The following CAST variants were observed in gnomAD, a reference collection of about 807,000 sequenced individuals.
The protein encoded by CAST is MIR583 host.
A neutral mutation model predicts 119.6 loss-of-function variants in CAST; 76 were observed. The ratio of observed to expected loss-of-function variants is 0.64; its 90% CI spans 0.53 to 0.77. CAST has a LOEUF of 0.77. CAST is among the 30% of genes least tolerant of loss of function. The pLI, the probability that CAST is intolerant of heterozygous loss-of-function variation, is 0.00. For synonymous variants in CAST, 319 were observed against 331.6 expected, an observed-to-expected ratio of 0.96 and a Z score of 0.41; for missense variants, 953 against 946.5, an observed-to-expected ratio of 1.01 and a Z score of -0.09.
At chr5:96,685,431 G>A (rs1751969249) in intron 2 of CAST, among the ~76,000 whole-genome samples, 1 of 152,148 alleles carries the variant, frequency 6.6e-6, no homozygotes, top group East Asian at 1.9e-4. Flanking sequence ...CAAGATATCT[G>A]TCTTATCTAA....
the CAST span, among the ~76,000 whole-genome samples, chr5:96,449,373 A>T: frequency 6.6e-6 from 1 of 152,208 alleles, no homozygotes; most frequent in Admixed American, 6.5e-5. Flanking sequence ...CTCCTACTGC[A>T]CATGCGAGGA....
chr5:96,675,848 G>A, intron 2 of CAST: 1 of 385,230 alleles, frequency 2.6e-6, no homozygotes, highest in Non-Finnish European at 4.6e-6. Context: ...TGCTTAGGGT[G>A]TTTTCCCTAT....
chr5:96,320,132 G>C, the CAST span, among the ~76,000 whole-genome samples: 4 of 151,534 alleles, frequency 2.6e-5, no homozygotes, highest in Admixed American at 2.6e-4. Flanking sequence ...TGAGGGCTCT[G>C]CAGTAACTAC....
intron 4 of CAST, 25 bp from the exon 5 acceptor site, chr5:96,726,769 A>G (rs1455557918): frequency 1.3e-6 from 2 of 1,540,980 alleles, no homozygotes; most frequent in Non-Finnish European, 1.8e-6. Flanking sequence ...ATAAAATTAT[A>G]CCTGGGGCTG....
chr5:96,357,742 A>G, the CAST span, among the ~76,000 whole-genome samples: 2 of 152,146 alleles, frequency 1.3e-5, no homozygotes, highest in African/African-American at 4.8e-5. Flanking sequence ...CCAGTATTTT[A>G]TTGAAATTTT....
chr5:95,967,275 G>A, the CAST span, among the ~76,000 whole-genome samples: 1 of 152,018 alleles, frequency 6.6e-6, no homozygotes, highest in Admixed American at 6.6e-5. Flanking sequence ...GTGCAGTTGT[G>A]TGATACTGTA....
At chr5:96,243,115 T>C in the CAST span, among the ~76,000 whole-genome samples, 2 of 152,078 alleles carry the variant, frequency 1.3e-5, no homozygotes, top group Non-Finnish European at 2.9e-5. Flanking sequence ...AAATAAGGTA[T>C]GGTTTCCACC....
chr5:96,358,876 T>C, the CAST span, among the ~76,000 whole-genome samples: 2 of 152,220 alleles, frequency 1.3e-5, no homozygotes, highest in South Asian at 2.1e-4. Flanking sequence ...GTTCAAGTCC[T>C]GAACATCCTT....
At chr5:96,560,190 T>A (rs548454038) in intron 1 of CAST, among the ~76,000 whole-genome samples, 189 of 152,138 alleles carry the variant, frequency 1.2e-3, no homozygotes, top group African/African-American at 4.5e-3. Flanking sequence ...CCTTACACCT[T>A]ATACAAAAAT....
the CAST span, chr5:96,412,190 A>G: frequency 1.1e-6 from 1 of 882,420 alleles, no homozygotes; most frequent in Non-Finnish European, 1.9e-6. Flanking sequence ...AAGTGCATTT[A>G]AAATTGTAAA....
the CAST span, among the ~76,000 whole-genome samples, chr5:96,286,739 A>G: frequency 6.6e-6 from 1 of 152,156 alleles, no homozygotes; most frequent in Admixed American, 6.5e-5. Context: ...AATCCAATTT[A>G]TGGTCTCAGC....
rs754516576 is a variant in CAST at position 96,729,630 on chromosome 5, C to G, written c.454C>G (p.Gln152Glu). ...CTTTCAGCCAAAAAGCCTACCCAAG[C>G]AGGCATCAGATACAGGAAGTAACGA... is the stretch of plus-strand genomic sequence containing the variant. ...EHTEPKSLPKQASDTGSNDAH... is the reference protein window; with the variant it reads ...EHTEPKSLPKEASDTGSNDAH... The change falls in exon 8 of 32, where the codon CAG becomes GAG. Residue 152 changes from glutamine to glutamate, a missense_variant. Coordinates refer to ENST00000675179, the MANE Select transcript of CAST (RefSeq NM_001750.7). 6.4e-7 allele frequency: 1 copy of G among 1,562,956 alleles called. No individual in the cohort carries two copies.
At chr5:96,542,106 C>T (rs921162079) in intron 1 of CAST, among the ~76,000 whole-genome samples, 4 of 152,082 alleles carry the variant, frequency 2.6e-5, no homozygotes, top group Non-Finnish European at 5.9e-5. Flanking sequence ...GTCAGGAGAT[C>T]GAGACCATCC....
At chr5:96,757,159 C>T (rs1035825486) in intron 22 of CAST, among the ~76,000 whole-genome samples, 1 of 152,178 alleles carries the variant, frequency 6.6e-6, no homozygotes, top group African/African-American at 2.4e-5. Flanking sequence ...CTGACTTTCA[C>T]GTTTTCCTGC....
chr5:96,702,681 T>A (rs905287170), intron 3 of CAST: 1 of 684,436 alleles, frequency 1.5e-6, no homozygotes, highest in Middle Eastern at 7.5e-4. Context: ...GCCAGGCGCA[T>A]GACGAGTCCA....
At chr5:96,654,191 AT>A (rs1023564926) in intron 1 of CAST, among the ~76,000 whole-genome samples, 3 of 151,042 alleles carry the variant, frequency 2.0e-5, no homozygotes, top group Non-Finnish European at 4.4e-5. Flanking sequence ...GCCTGGCTAA[AT>A]TTTTTTGTAT....
chr5:96,702,773 G>GCCTT, intron 3 of CAST: 4 of 985,452 alleles, frequency 4.1e-6, no homozygotes, highest in Non-Finnish European at 4.8e-6. Context: ...ATCCTGCGTC[G>GCCTT]CCTTCCCGGG....
chr5:96,344,569 A>G, the CAST span, among the ~76,000 whole-genome samples: 1 of 152,194 alleles, frequency 6.6e-6, no homozygotes, highest in African/African-American at 2.4e-5. Context: ...ATATTCTCAC[A>G]ATCAGACTAT....
chr5:96,762,290 A>C lies in CAST; in HGVS notation c.1850A>C (p.Lys617Thr), dbSNP rs762727729. ...CAATAAAAGAAATTTGAAGATGCTA[A>C]ACTTGCTGCTGCCATCTCTGAAGTG... ...NASSLKFEDA[K>T]LAAAISEVVS... The change falls in exon 25 of 32, where the codon AAA (lysine) becomes ACA (threonine). Residue 617 changes from lysine (K) to threonine (T), a missense_variant. Coordinates refer to ENST00000675179, the MANE Select transcript of CAST (RefSeq NM_001750.7). The C allele has an allele frequency of 6.2e-7, 1 of 1,607,366 alleles. No individual in the cohort carries two copies. Among genetic ancestry groups the C allele is most frequent in the Non-Finnish European group, 8.5e-7 (1 of 1,178,080 alleles).
Sources: gnomAD v4.1 joint callset for allele counts (sites outside exome capture counted in the v4.1 genomes callset) on GRCh38, gnomAD v4.1.1 for gene constraint, MANE v1.5 for transcripts, NCBI Gene and HGNC (gene_info 2026-07-23, HGNC 2026-07-21) for gene names.